The following TARS3 variants were observed in gnomAD, a reference collection of about 807,000 sequenced individuals.
The protein encoded by TARS3 is threonyl-tRNA synthetase 3.
In TARS3, 94 loss-of-function variants were observed where a neutral mutation model predicts 103.5. That is an observed-to-expected ratio of 0.91 (90% CI 0.77 to 1.08). The LOEUF (loss-of-function observed/expected upper bound fraction) is 1.08, where lower values mean the gene tolerates loss of function less well. Ranked by LOEUF, TARS3 falls within the 50% of genes least tolerant of loss-of-function variation. The probability of loss-of-function intolerance (pLI) is 0.00; values close to 1 mark genes in which losing one functional copy is unlikely to be tolerated. For synonymous variants in TARS3, 416 were observed against 355.4 expected, an observed-to-expected ratio of 1.17 and a Z score of -1.92; for missense variants, 952 against 995.2, an observed-to-expected ratio of 0.96 and a Z score of 0.58.
At chr15:101,715,409 G>C (rs1229722998) in intron 3 of TARS3, among the ~76,000 whole-genome samples, 4 of 152,180 alleles carry the variant, frequency 2.6e-5, no homozygotes, top group Admixed American at 1.3e-4. Context: ...GCCTCCCAAA[G>C]TGCTGGGATT....
chr15:101,686,261 G>A (rs760234204), intron 10 of TARS3, among the ~76,000 whole-genome samples, 199 bp from the exon 11 acceptor site: 1 of 152,040 alleles, frequency 6.6e-6, no homozygotes, highest in Non-Finnish European at 1.5e-5. Context: ...TTTCTATTGA[G>A]TATATTTATT....
At chr15:101,678,787 C>G (rs533259954) in intron 12 of TARS3, among the ~76,000 whole-genome samples, 1 of 152,184 alleles carries the variant, frequency 6.6e-6, no homozygotes, top group Admixed American at 6.5e-5. Context: ...CTAAAGTTCC[C>G]TGATTCCTCT....
In TARS3 at chr15:101,702,373, A is replaced by G; in HGVS notation, c.1087T>C (p.Tyr363His). 1 of 1,613,488 alleles carries G rather than the reference A, an allele frequency of 6.2e-7. No individual in the cohort carries two copies. The highest frequency in any genetic ancestry group is 1.1e-5 in the South Asian group (1 of 91,030). ...TIKIFKNSST[Y>H]WEGNPEMETL... ...TCCATTTCCGGATTGCCCTCCCAAT[A>G]TGTTGAGGAATTCTAAATATCAAAG... Residue 363 changes from tyrosine (Y) to histidine (H), a missense_variant, in exon 9 of 19, where the codon TAT (tyrosine) becomes CAT (histidine). Transcript: ENST00000335968.
At chr15:101,702,478 T>C in intron 8 of TARS3, 93 bp from the exon 9 acceptor site, 1 of 1,101,154 alleles carries the variant, frequency 9.1e-7, no homozygotes, top group Non-Finnish European at 1.4e-6. Flanking sequence ...CACTATCATA[T>C]CAACAAAGCA....
intron 5 of TARS3, among the ~76,000 whole-genome samples, chr15:101,709,667 C>T (rs1899758205): frequency 6.6e-6 from 1 of 152,222 alleles, no homozygotes; most frequent in Non-Finnish European, 1.5e-5. Context: ...GCTGCTTGTG[C>T]ATTTGCTGTC....
chr15:101,716,961 A>G (rs923190735), intron 3 of TARS3, among the ~76,000 whole-genome samples: 1 of 149,498 alleles, frequency 6.7e-6, no homozygotes, highest in Non-Finnish European at 1.5e-5. Context: ...GGTTCAAGTG[A>G]TTCTCCTGAC....
At chr15:101,678,507 T>G (rs974465307) in intron 12 of TARS3, among the ~76,000 whole-genome samples, 1 of 150,608 alleles carries the variant, frequency 6.6e-6, no homozygotes, top group Non-Finnish European at 1.5e-5. Context: ...GTCTATAGCT[T>G]TTTTTTTTAT....
Position 101,724,400 on chromosome 15 carries a change from C to G in TARS3, c.-13G>C, listed in dbSNP as rs913614544. 3.5e-6 allele frequency: 5 copies of G among 1,422,530 alleles called. No homozygotes were observed. In the African/African-American group the frequency reaches 4.5e-5, roughly 13 times the overall value. The allele number at this position is 1,422,530 out of a possible 1,614,324, so 88.1% of individuals were successfully genotyped here. On this transcript the variant is annotated 5_prime_UTR_variant, in exon 1 of 19. Transcript: ENST00000335968. ...CCTCGGCCGCCATCGCGGCCTCCCT[C>G]AGGCACCGACGCCGAGCGGGGTGCC... is the stretch of plus-strand genomic sequence containing the variant.
intron 6 of TARS3, among the ~76,000 whole-genome samples, chr15:101,707,585 C>G (rs975261218): frequency 4.6e-5 from 7 of 151,932 alleles, no homozygotes; most frequent in Admixed American, 1.3e-4. Context: ...CTGAGTGAAA[C>G]AAGCCAGTCA....
chr15:101,660,045 A>G (rs1043637589), intron 16 of TARS3, among the ~76,000 whole-genome samples: 7 of 152,122 alleles, frequency 4.6e-5, no homozygotes, highest in African/African-American at 1.7e-4. Flanking sequence ...CAGAGTGGAG[A>G]AGGAGGCACC....
intron 10 of TARS3, among the ~76,000 whole-genome samples, chr15:101,697,580 A>G (rs1247600298): frequency 6.6e-6 from 1 of 152,216 alleles, no homozygotes; most frequent in Admixed American, 6.5e-5. Flanking sequence ...GGGTTCAAAA[A>G]TGAAACCTTC....
At chr15:101,659,714 A>C (rs1458215175) in intron 16 of TARS3, among the ~76,000 whole-genome samples, 1 of 152,140 alleles carries the variant, frequency 6.6e-6, no homozygotes, top group African/African-American at 2.4e-5. Flanking sequence ...TTTAAAACCA[A>C]CTGGAAAGAA....
chr15:101,711,291 A>C (rs1899854976), intron 5 of TARS3, among the ~76,000 whole-genome samples: 1 of 152,252 alleles, frequency 6.6e-6, no homozygotes, highest in African/African-American at 2.4e-5. Context: ...TTGACTAAAA[A>C]TAATTTTCAG....
At position 101,684,088 on chromosome 15, in the gene TARS3, CA is replaced by C. The variant is rs1596303191; in HGVS notation, c.1636del (p.Cys546AlafsTer10). ...RFQQDDAHIF[C>X]TVEQIEEEIK... ...GTTATTGTTTACCTGCTCCACTGTG[CA>C]AAAAATGTGAGCATCGTCCTGCTGG... On this transcript the variant is annotated frameshift_variant, in exon 12 of 19. Coordinates refer to ENST00000335968, the MANE Select transcript of TARS3 (RefSeq NM_152334.3). LOFTEE classifies it high-confidence loss of function. 3.1e-6 allele frequency: 5 copies of C among 1,612,916 alleles called. No homozygotes were observed. The highest frequency in any genetic ancestry group is 4.2e-6 in the Non-Finnish European group (5 of 1,179,412).
intron 18 of TARS3, chr15:101,655,777 C>T: frequency 8.5e-7 from 1 of 1,178,672 alleles, no homozygotes; most frequent in South Asian, 1.5e-5. Flanking sequence ...GTGGGGAGCT[C>T]TTACAGGCTC....
chr15:101,654,589 GCCT>G lies in TARS3; in HGVS notation c.2399_2401del (p.Glu800del). 1.2e-6 allele frequency: 2 copies of G among 1,609,934 alleles called. No homozygotes were observed. The highest frequency in any genetic ancestry group is 8.5e-7 in the Non-Finnish European group (1 of 1,179,110). On this transcript the variant is annotated inframe_deletion, in exon 19 of 19. Coordinates refer to ENST00000335968, the MANE Select transcript of TARS3 (RefSeq NM_152334.3). The stretch of plus-strand genomic sequence containing the variant: ...AAATATCAGGGAAGGACTTCAAAAG[GCCT>G]CCTCAGCATTGAGTGTCCGTGTCTT...
At chr15:101,723,019 C>T (rs1046001310) in intron 2 of TARS3, 74 bp downstream of exon 2, 103 of 1,324,570 alleles carry the variant, frequency 7.8e-5, no homozygotes, top group Non-Finnish European at 1.1e-4. Context: ...ATTGGAAATC[C>T]TAGGTAATTA....
Position 101,697,431 on chromosome 15 carries a change from T to C in TARS3, c.1320+3655A>G, listed in dbSNP as rs568148678. On this transcript the variant is annotated intron_variant, in intron 10 of 18. Coordinates refer to ENST00000335968, the MANE Select transcript of TARS3 (RefSeq NM_152334.3). ...ACTCATGGACTTAGCTGGGGAGACG[T>C]CCAGGCAGAATGTAGAAAATGACAG... Among the ~76,000 whole-genome samples, 4 of 152,184 alleles carry C rather than the reference T, an allele frequency of 2.6e-5. No homozygotes were observed. In the East Asian group the frequency reaches 5.8e-4, roughly 22 times the overall value.
At chr15:101,721,455 A>T in intron 2 of TARS3, 133 bp from the exon 3 acceptor site, 1 of 626,736 alleles carries the variant, frequency 1.6e-6, no homozygotes, top group South Asian at 2.8e-5. Context: ...CATGGTTTGA[A>T]TTACGATTTT....
Sources: gnomAD v4.1 joint callset for allele counts (sites outside exome capture counted in the v4.1 genomes callset) on GRCh38, gnomAD v4.1.1 for gene constraint, MANE v1.5 for transcripts, NCBI Gene and HGNC (gene_info 2026-07-23, HGNC 2026-07-21) for gene names.